SLC35F5: variants seen among roughly 807,000 people sequenced by gnomAD.
The protein encoded by SLC35F5 is solute carrier family 35 member F5, also known as HCV NS5A-transactivated protein 3.
SLC35F5 carries 54 observed loss-of-function variants against 68.6 expected under a neutral mutation model. That is an observed-to-expected ratio of 0.79 (90% confidence interval 0.63 to 0.99). The LOEUF is 0.99. Among genes scored for constraint, SLC35F5 ranks in the 50% least tolerant of loss-of-function variants. The probability of loss-of-function intolerance (pLI) is 0.00; values close to 1 mark genes in which losing one functional copy is unlikely to be tolerated. For synonymous variants in SLC35F5, 211 were observed against 205.2 expected (o/e 1.03, Z -0.24); for missense variants, 567 against 626.9 (o/e 0.90, Z 1.02).
At chr2:113,755,117 AAC>A (rs1359478467) in intron 3 of SLC35F5, 46 bp downstream of exon 3, 1 of 1,588,996 alleles carries the variant, frequency 6.3e-7, no homozygotes, top group Non-Finnish European at 8.6e-7. Flanking sequence ...GTTAAGAGTT[AAC>A]ATTGTGGCTG....
intron 12 of SLC35F5, among the ~76,000 whole-genome samples, chr2:113,723,476 T>C (rs1405707151): frequency 6.6e-6 from 1 of 152,186 alleles, no homozygotes; most frequent in Non-Finnish European, 1.5e-5. Context: ...GTATAGCTTA[T>C]ATTTCATTAA....
chr2:113,711,115 C>T lies in SLC35F5; in HGVS notation c.*4103G>A, dbSNP rs567236482. 2.0e-5 allele frequency among the ~76,000 whole-genome samples: 3 copies of T among 152,272 alleles called. No individual in the cohort carries two copies. The East Asian group carries it at 5.8e-4, about 29-fold the overall frequency. ...TAAAATATCATGAATGAAATGGTGT[C>T]TTCATCTAGGTGCTTCTCCATCAAA... is the stretch of plus-strand genomic sequence containing the variant. On this transcript the variant is annotated 3_prime_UTR_variant, in exon 16 of 16. Coordinates refer to ENST00000245680, the MANE Select transcript of SLC35F5 (RefSeq NM_025181.5).
At chr2:113,751,665 C>T (rs551181052) in intron 3 of SLC35F5, among the ~76,000 whole-genome samples, 107 of 151,924 alleles carry the variant, frequency 7.0e-4, no homozygotes, top group Non-Finnish European at 1.1e-3. Flanking sequence ...CAAAAATTTG[C>T]AGTACATGGG....
intron 10 of SLC35F5, 107 bp downstream of exon 10, chr2:113,731,477 C>A: frequency 2.9e-6 from 2 of 699,096 alleles, no homozygotes; most frequent in Non-Finnish European, 4.7e-6. Flanking sequence ...TCAAAAAAAA[C>A]CCACCCTGCT....
intron 1 of SLC35F5, 109 bp from the exon 2 acceptor site, chr2:113,755,653 G>A: frequency 8.6e-7 from 1 of 1,162,062 alleles, no homozygotes; most frequent in East Asian, 2.5e-5. Flanking sequence ...TCAATGAAAA[G>A]GACCAAAATG....
chr2:113,756,248 G>A, intron 1 of SLC35F5, 122 bp downstream of exon 1: 7 of 1,537,052 alleles, frequency 4.6e-6, no homozygotes, highest in Non-Finnish European at 6.1e-6. Context: ...CGCCCCTAGA[G>A]ACCTTCACGG....
intron 12 of SLC35F5, 108 bp downstream of exon 12, chr2:113,725,270 G>T: frequency 1.0e-6 from 1 of 968,890 alleles, no homozygotes; most frequent in Non-Finnish European, 1.6e-6. Context: ...TATGTGTGTT[G>T]CAGAATGGGG....
intron 13 of SLC35F5, among the ~76,000 whole-genome samples, chr2:113,720,576 T>C (rs1574215502): frequency 6.6e-6 from 1 of 152,150 alleles, no homozygotes; most frequent in Non-Finnish European, 1.5e-5. Context: ...GAATAGTCAT[T>C]AAACTGAAAA....
At chr2:113,747,514 G>A (rs1334681749) in intron 4 of SLC35F5, among the ~76,000 whole-genome samples, 1 of 152,096 alleles carries the variant, frequency 6.6e-6, no homozygotes, top group Non-Finnish European at 1.5e-5. Context: ...TAACAAATCA[G>A]TAATAAAAAG....
At chr2:113,748,544 T>C (rs1421029071) in intron 4 of SLC35F5, among the ~76,000 whole-genome samples, 2 of 152,242 alleles carry the variant, frequency 1.3e-5, no homozygotes, top group Non-Finnish European at 2.9e-5. Flanking sequence ...TTATCAGTGG[T>C]TATTCCTTGA....
Position 113,756,397 on chromosome 2 carries a change from G to T in SLC35F5, c.13C>A (p.Arg5=), listed in dbSNP as rs1292824298. 5.8e-6 allele frequency: 9 copies of T among 1,563,590 alleles called. No individual in the cohort carries two copies. The highest frequency in any genetic ancestry group is 7.8e-6 in the Non-Finnish European group (9 of 1,155,628). Reference sequence around the variant, plus strand: ...GGCCTTCCTGCCCCGCGATGGCGTCGTGGCGGCACCATGAGCGGACCGGTC... The same window carrying T: ...GGCCTTCCTGCCCCGCGATGGCGTCTTGGCGGCACCATGAGCGGACCGGTC... MVPP[R]RHRGAGRPGV... Residue 5 remains arginine, a synonymous_variant, in exon 1 of 16, where the codon CGA becomes AGA. Coordinates refer to ENST00000245680, the MANE Select transcript of SLC35F5 (RefSeq NM_025181.5).
At chr2:113,753,007 G>A (rs1445603045) in intron 3 of SLC35F5, among the ~76,000 whole-genome samples, 1 of 152,014 alleles carries the variant, frequency 6.6e-6, no homozygotes, top group African/African-American at 2.4e-5. Context: ...GTTTTGAGGA[G>A]AGGTTGATAA....
In SLC35F5 at chr2:113,753,172, T is replaced by C. The variant is rs1176641223; in HGVS notation, c.273+1993A>G. ...TTATCTCCAAAGTTTGTTTTTCTTT[T>C]TTTTTTTTTTTTTTTTTTTTTTTGC... is the stretch of plus-strand genomic sequence containing the variant. On this transcript the variant is annotated intron_variant, in intron 3 of 15. Coordinates refer to ENST00000245680, the MANE Select transcript of SLC35F5 (RefSeq NM_025181.5). 8.0e-4 allele frequency among the ~76,000 whole-genome samples: 91 copies of C among 113,242 alleles called. 3 individuals carry two copies. In the East Asian group the frequency reaches 9.8e-3, roughly 12 times the overall value. 74.3% of individuals were successfully genotyped at this position (113,242 alleles called of 152,430 possible).
intron 4 of SLC35F5, among the ~76,000 whole-genome samples, chr2:113,748,652 A>T (rs1574267476): frequency 1.3e-5 from 2 of 152,184 alleles, no homozygotes; most frequent in East Asian, 3.8e-4. Flanking sequence ...CCTACATGTG[A>T]TATTATGATG....
In SLC35F5 at chr2:113,726,080, G is replaced by A. The variant is rs748893081; in HGVS notation, c.1091-543C>T. 9.2e-5 allele frequency among the ~76,000 whole-genome samples: 14 copies of A among 152,256 alleles called. No individual in the cohort carries two copies. In the East Asian group the frequency reaches 2.3e-3, roughly 25 times the overall value. ...ATGTACACACAAAGAGCTATTCAAC[G>A]TATGAGCAAAGTACAGACTGACTAG... On this transcript the variant is annotated intron_variant, in intron 11 of 15. Transcript: ENST00000245680.
At chr2:113,747,884 G>T (rs924784073) in intron 4 of SLC35F5, among the ~76,000 whole-genome samples, 3 of 152,176 alleles carry the variant, frequency 2.0e-5, no homozygotes, top group Non-Finnish European at 2.9e-5. Context: ...TTGGGGTCAG[G>T]AGTTCAAGAC....
Position 113,707,010 on chromosome 2 carries a change from A to G in SLC35F5, c.*8208T>C, listed in dbSNP as rs763483503. On this transcript the variant is annotated 3_prime_UTR_variant, in exon 16 of 16. Coordinates refer to ENST00000245680, the MANE Select transcript of SLC35F5 (RefSeq NM_025181.5). ...ATCATAGCTAACATAAGTAGGAATT[A>G]TAATTAATTTTATAATTGTGTTTAA... 1.3e-5 allele frequency among the ~76,000 whole-genome samples: 2 copies of G among 152,216 alleles called. No individual in the cohort carries two copies. The highest frequency in any genetic ancestry group is 4.8e-5 in the African/African-American group (2 of 41,454).
chr2:113,736,793 T>A (rs1023857727), intron 7 of SLC35F5, among the ~76,000 whole-genome samples: 4 of 152,192 alleles, frequency 2.6e-5, no homozygotes, highest in Admixed American at 6.6e-5. Flanking sequence ...AGGACTTTTT[T>A]TAAAAAATTC....
downstream of SLC35F5, among the ~76,000 whole-genome samples, chr2:113,706,189 C>T (rs1002915418): frequency 2.0e-5 from 3 of 152,128 alleles, no homozygotes; most frequent in Non-Finnish European, 2.9e-5. Context: ...TCAGGGGAGT[C>T]GACACCAGAG....
Sources: gnomAD v4.1 joint callset for allele counts (sites outside exome capture counted in the v4.1 genomes callset) on GRCh38, gnomAD v4.1.1 for gene constraint, MANE v1.5 for transcripts, NCBI Gene and HGNC (gene_info 2026-07-23, HGNC 2026-07-21) for gene names.